Variants in CNTNAP2 observed in about 807,000 individuals in gnomAD.
The protein encoded by CNTNAP2 is contactin-associated protein-like 2.
In CNTNAP2, 98 loss-of-function variants were observed where a neutral mutation model predicts 155.2. The observed-to-expected ratio is 0.63, with a 90% confidence interval of 0.54 to 0.75. CNTNAP2 has a LOEUF of 0.75. Ranked by LOEUF, CNTNAP2 falls within the 30% of genes least tolerant of loss-of-function variation. The probability of loss-of-function intolerance (pLI) is 0.00; values close to 1 mark genes in which losing one functional copy is unlikely to be tolerated. For synonymous variants in CNTNAP2, 651 were observed against 631.2 expected (o/e 1.03, Z -0.47); for missense variants, 1,727 against 1,688.1 (o/e 1.02, Z -0.40).
chr7:147,581,732 T>A (rs1034089834), intron 12 of CNTNAP2, among the ~76,000 whole-genome samples: 7 of 152,214 alleles, frequency 4.6e-5, no homozygotes, highest in Admixed American at 6.5e-5. Context: ...AGTAACAACA[T>A]GTACTCGGTT....
chr7:147,837,814 C>T (rs541486815), intron 13 of CNTNAP2, among the ~76,000 whole-genome samples: 126 of 152,280 alleles, frequency 8.3e-4, no homozygotes, highest in African/African-American at 2.5e-3. Context: ...GTCTCACATC[C>T]GGGTCACACT....
chr7:146,186,432 T>C (rs1385506734), intron 1 of CNTNAP2, among the ~76,000 whole-genome samples: 1 of 152,214 alleles, frequency 6.6e-6, no homozygotes, highest in Non-Finnish European at 1.5e-5. Flanking sequence ...CTTATTCAAT[T>C]ATACATGTTA....
intron 3 of CNTNAP2, among the ~76,000 whole-genome samples, chr7:146,969,635 C>G (rs1458602456): frequency 7.6e-6 from 1 of 131,982 alleles, no homozygotes; most frequent in Non-Finnish European, 1.8e-5. Context: ...GATTGCAACC[C>G]CTGCCTTTTT....
intron 9 of CNTNAP2, among the ~76,000 whole-genome samples, chr7:147,383,536 C>G (rs1289497866): frequency 2.0e-5 from 3 of 152,018 alleles, no homozygotes; most frequent in Non-Finnish European, 4.4e-5. Context: ...ACCCAAACAC[C>G]ACACGTTCTC....
At chr7:147,151,982 T>C (rs180686002) in intron 8 of CNTNAP2, among the ~76,000 whole-genome samples, 3 of 152,234 alleles carry the variant, frequency 2.0e-5, no homozygotes, top group Admixed American at 1.3e-4. Context: ...TTTTCCCTGA[T>C]CTAGTTATGG....
chr7:146,904,193 C>G (rs1796067208), intron 3 of CNTNAP2, among the ~76,000 whole-genome samples: 1 of 152,118 alleles, frequency 6.6e-6, no homozygotes, highest in Non-Finnish European at 1.5e-5. Context: ...TCCATTCACA[C>G]TGGCCTCCTG....
intron 20 of CNTNAP2, among the ~76,000 whole-genome samples, chr7:148,262,219 C>T (rs1796575701): frequency 6.6e-6 from 1 of 152,064 alleles, no homozygotes. Flanking sequence ...GTTATTGGGC[C>T]TCTTAATGCA....
intron 13 of CNTNAP2, among the ~76,000 whole-genome samples, chr7:147,786,858 A>T (rs1797747851): frequency 6.6e-6 from 1 of 152,080 alleles, no homozygotes; most frequent in East Asian, 1.9e-4. Context: ...AGTCCCTGCT[A>T]CTCATGAAAC....
intron 13 of CNTNAP2, among the ~76,000 whole-genome samples, chr7:147,656,879 G>A (rs1364075919): frequency 1.3e-5 from 2 of 152,172 alleles, no homozygotes; most frequent in Non-Finnish European, 2.9e-5. Flanking sequence ...AAATGAGAAT[G>A]CCTGTGTATA....
At chr7:148,164,246 G>GT (rs1014222371) in intron 17 of CNTNAP2, among the ~76,000 whole-genome samples, 28 of 151,620 alleles carry the variant, frequency 1.8e-4, no homozygotes, top group South Asian at 1.5e-3. Flanking sequence ...CCCACCACAG[G>GT]TTTTTTTTTA....
rs549434752 is a variant in CNTNAP2, at chr7:147,135,167, A to T, written c.1348+2658A>T. 2.0e-5 allele frequency among the ~76,000 whole-genome samples: 3 copies of T among 151,942 alleles called. No individual in the cohort carries two copies. In the South Asian group the frequency reaches 6.2e-4, roughly 31 times the overall value. ...TAAAATAATGTTTAATATATTGTTC[A>T]CCCTATCTTTGTATCTTTCTTTCCA... is the stretch of plus-strand genomic sequence containing the variant. On this transcript the variant is annotated intron_variant, in intron 8 of 23. Coordinates refer to ENST00000361727, the MANE Select transcript of CNTNAP2 (RefSeq NM_014141.6).
chr7:147,736,738 T>C (rs550000200), intron 13 of CNTNAP2, among the ~76,000 whole-genome samples: 21 of 152,360 alleles, frequency 1.4e-4, no homozygotes, highest in African/African-American at 4.6e-4. Context: ...TTCTTTTTTC[T>C]CTAAACTTCT....
chr7:148,006,227 CG>C (rs1450103362), intron 15 of CNTNAP2, among the ~76,000 whole-genome samples: 2 of 150,704 alleles, frequency 1.3e-5, no homozygotes, highest in Non-Finnish European at 2.9e-5. Context: ...ATTGGTGTAG[CG>C]AAATAGAGAA....
chr7:148,305,539 G>A (rs2116507480), intron 21 of CNTNAP2, among the ~76,000 whole-genome samples: 1 of 152,294 alleles, frequency 6.6e-6, no homozygotes, highest in Non-Finnish European at 1.5e-5. Flanking sequence ...AAGAAAAGAG[G>A]TTTAATTGAC....
intron 3 of CNTNAP2, among the ~76,000 whole-genome samples, chr7:146,866,195 C>A (rs1225228726): frequency 6.6e-6 from 1 of 151,950 alleles, no homozygotes; most frequent in Non-Finnish European, 1.5e-5. Context: ...GTTGATGTAT[C>A]TAAAGTACAT....
chr7:148,181,856 C>G (rs781239180), intron 18 of CNTNAP2, among the ~76,000 whole-genome samples: 7 of 144,390 alleles, frequency 4.8e-5, no homozygotes, highest in Non-Finnish European at 9.0e-5. Context: ...CTCCCGGGTT[C>G]ACGCCATTCT....
At chr7:146,322,634 C>CTTTTTTTTGTTTTTTTTTTTTTTTT (rs1801025459) in intron 1 of CNTNAP2, among the ~76,000 whole-genome samples, 1 of 64,964 alleles carries the variant, frequency 1.5e-5, no homozygotes, top group Non-Finnish European at 2.7e-5. Context: ...TGTTCATTCT[C>CTTTTTTTTGTTTTTTTTTTTTTTTT]TTTTTTTTTT....
At chr7:148,328,879 G>A (rs1343155066) in intron 21 of CNTNAP2, among the ~76,000 whole-genome samples, 2 of 149,846 alleles carry the variant, frequency 1.3e-5, no homozygotes, top group African/African-American at 4.9e-5. Context: ...AGGAGGTTGA[G>A]GCAGGAGAAT....
intron 18 of CNTNAP2, among the ~76,000 whole-genome samples, chr7:148,182,255 A>T (rs1795051531): frequency 6.6e-6 from 1 of 152,112 alleles, no homozygotes; most frequent in African/African-American, 2.4e-5. Flanking sequence ...TTGAGCTGAA[A>T]CTCTATACAT....
Sources: allele counts gnomAD v4.1 joint callset (sites outside exome capture counted in the v4.1 genomes callset), GRCh38; gene constraint gnomAD v4.1.1; transcripts MANE v1.5; gene names NCBI Gene and HGNC (gene_info 2026-07-23, HGNC 2026-07-21).